WASF1: variants seen among roughly 807,000 people sequenced by gnomAD.
WASF1 encodes actin-binding protein WASF1.
In WASF1, 7 loss-of-function variants were observed where a neutral mutation model predicts 50.5. That is an observed-to-expected ratio of 0.14 (90% CI 0.08 to 0.26). The LOEUF is 0.26. Among genes scored for constraint, WASF1 ranks in the 10% least tolerant of loss-of-function variants. WASF1 has a pLI of 1.00. For synonymous variants in WASF1, 205 were observed against 244.0 expected, an observed-to-expected ratio of 0.84 and a Z score of 1.49; for missense variants, 470 against 694.7, an observed-to-expected ratio of 0.68 and a Z score of 3.64.
intron 3 of WASF1, among the ~76,000 whole-genome samples, chr6:110,146,968 T>C (rs1697814907): frequency 6.6e-6 from 1 of 152,134 alleles, no homozygotes; most frequent in Non-Finnish European, 1.5e-5. Flanking sequence ...CTCCAGTTAT[T>C]TGCTCTGAGG....
chr6:110,133,245 T>C (rs1774778262), intron 3 of WASF1, among the ~76,000 whole-genome samples: 1 of 152,220 alleles, frequency 6.6e-6, no homozygotes, highest in South Asian at 2.1e-4. Context: ...ATTGTGCTGC[T>C]ATATACATGC....
intron 4 of WASF1, among the ~76,000 whole-genome samples, chr6:110,120,826 T>C (rs2114497215): frequency 6.6e-6 from 1 of 152,302 alleles, no homozygotes; most frequent in Admixed American, 6.5e-5. Context: ...ATGGTACTGG[T>C]ACCAAAACAG....
intron 2 of WASF1, among the ~76,000 whole-genome samples, chr6:110,177,792 A>G (rs968954844): frequency 6.6e-6 from 1 of 152,170 alleles, no homozygotes; most frequent in Non-Finnish European, 1.5e-5. Flanking sequence ...TCAAAAGGGT[A>G]AATGCAACAA....
intron 4 of WASF1, among the ~76,000 whole-genome samples, chr6:110,124,221 T>C (rs1300468266): frequency 1.4e-5 from 1 of 71,018 alleles, no homozygotes; most frequent in African/African-American, 9.2e-5. Context: ...CTCTCTCCTC[T>C]CTCTCCTCTC....
At chr6:110,131,949 G>A (rs187196384) in intron 3 of WASF1, among the ~76,000 whole-genome samples, 31 of 152,276 alleles carry the variant, frequency 2.0e-4, no homozygotes, top group African/African-American at 6.7e-4. Flanking sequence ...ACCTCTACCT[G>A]TTGGGAATTA....
At chr6:110,113,201 T>TC in intron 5 of WASF1, 125 bp downstream of exon 5, 1 of 826,320 alleles carries the variant, frequency 1.2e-6, no homozygotes, top group Non-Finnish European at 1.6e-6. Flanking sequence ...TTTATTACAA[T>TC]ATGTACACCA....
rs190974781 is a variant in WASF1, at chr6:110,127,760, A to G, written c.-28-131T>C. The G allele has an allele frequency of 7.8e-3, 6,272 of 806,498 alleles. 30 individuals carry two copies. The highest frequency in any genetic ancestry group is 9.4e-3 in the Non-Finnish European group (5,552 of 590,630). 50.0% of individuals were successfully genotyped at this position (806,498 alleles called of 1,614,324 possible). A position where few individuals can be genotyped will look rare whatever the true frequency, so the allele number is the denominator to read the frequency against. On this transcript the variant is annotated intron_variant, in intron 3 of 10. Transcript: ENST00000392589. ...GGATTTGAACTGCCTGGGTCCACTT[A>G]CTGGTGGATTTTCTTCCCTCTCTGC...
At chr6:110,113,510 A>G (rs1181879417) in intron 4 of WASF1, 50 bp from the exon 5 acceptor site, 34 of 1,492,130 alleles carry the variant, frequency 2.3e-5, no homozygotes, top group Non-Finnish European at 2.6e-5. Context: ...CAGAGCACTG[A>G]GTTTTTATCT....
intron 4 of WASF1, among the ~76,000 whole-genome samples, chr6:110,125,963 A>T (rs1774399371): frequency 6.6e-6 from 1 of 152,202 alleles, no homozygotes; most frequent in African/African-American, 2.4e-5. Context: ...TATCACCCTT[A>T]ATCACAATAT....
At chr6:110,106,926 T>G (rs1477155066) in intron 7 of WASF1, 151 bp downstream of exon 7, 2 of 609,638 alleles carry the variant, frequency 3.3e-6, no homozygotes, top group African/African-American at 1.9e-5. Flanking sequence ...TCAGACTGTG[T>G]TCTTTCTGTG....
At chr6:110,155,709 C>G (rs1425126430) in intron 3 of WASF1, among the ~76,000 whole-genome samples, 1 of 58,096 alleles carries the variant, frequency 1.7e-5, no homozygotes, top group African/African-American at 7.4e-5. Context: ...CCCCCTCCCC[C>G]GACCCCACCA....
intron 3 of WASF1, among the ~76,000 whole-genome samples, chr6:110,159,113 A>T (rs1776155217): frequency 6.6e-6 from 1 of 151,972 alleles, no homozygotes; most frequent in Non-Finnish European, 1.5e-5. Flanking sequence ...TCCCATAGCA[A>T]CTAACAGCAT....
At chr6:110,108,503 G>A (rs754694057) in intron 6 of WASF1, 25 bp downstream of exon 6, 2 of 1,577,732 alleles carry the variant, frequency 1.3e-6, no homozygotes, top group Non-Finnish European at 1.7e-6. Context: ...TAAATAATAG[G>A]GCTACTATTT....
chr6:110,169,426 T>G (rs568362056), intron 2 of WASF1, among the ~76,000 whole-genome samples: 2 of 152,278 alleles, frequency 1.3e-5, no homozygotes, highest in African/African-American at 4.8e-5. Context: ...ATCTTTAAAT[T>G]AAAGCAAAGT....
At position 110,178,726 on chromosome 6, in the gene WASF1, C is replaced by T. The variant is rs2114637471; in HGVS notation, c.-255G>A. Reference sequence around the variant, plus strand: ...AGTGCAAGAGAAGGTGTCAGAGTACCGAAGCTAGGGGGCATGCTGTAGCAA... The same window carrying T: ...AGTGCAAGAGAAGGTGTCAGAGTACTGAAGCTAGGGGGCATGCTGTAGCAA... On this transcript the variant is annotated 5_prime_UTR_variant, in exon 2 of 11. Transcript: ENST00000392589. The T allele has an allele frequency of 6.5e-6, 1 of 152,890 alleles. No homozygotes were observed. Among genetic ancestry groups the T allele is most frequent in the Admixed American group, 6.5e-5 (1 of 15,288 alleles). The allele number at this position is 152,890 out of a possible 1,614,324, so 9.5% of individuals were successfully genotyped here. A position where few individuals can be genotyped will look rare whatever the true frequency, so the allele number is the denominator to read the frequency against.
chr6:110,128,813 C>T (rs1420856851), intron 3 of WASF1, among the ~76,000 whole-genome samples: 2 of 152,166 alleles, frequency 1.3e-5, no homozygotes, highest in Non-Finnish European at 2.9e-5. Flanking sequence ...AGCATTACTG[C>T]CTGAGTTCCA....
intron 4 of WASF1, among the ~76,000 whole-genome samples, chr6:110,124,520 G>C (rs1348176272): frequency 6.6e-6 from 1 of 151,456 alleles, no homozygotes; most frequent in Non-Finnish European, 1.5e-5. Flanking sequence ...AATAAAATGA[G>C]AAAGAGGAAA....
chr6:110,135,257 T>C (rs1292112356), intron 3 of WASF1, among the ~76,000 whole-genome samples: 3 of 152,216 alleles, frequency 2.0e-5, no homozygotes, highest in African/African-American at 7.2e-5. Flanking sequence ...TTATCAGTTC[T>C]AGCTTTTTGG....
intron 8 of WASF1, among the ~76,000 whole-genome samples, chr6:110,104,599 G>C (rs1773237028): frequency 6.6e-6 from 1 of 152,116 alleles, no homozygotes; most frequent in South Asian, 2.1e-4. Flanking sequence ...GATCAGCCCG[G>C]CCAACATGGT....
Sources: gnomAD v4.1 joint callset for allele counts (sites outside exome capture counted in the v4.1 genomes callset) on GRCh38, gnomAD v4.1.1 for gene constraint, MANE v1.5 for transcripts, NCBI Gene and HGNC (gene_info 2026-07-23, HGNC 2026-07-21) for gene names.